MAN2A1: variants seen among roughly 807,000 people sequenced by gnomAD.
MAN2A1 encodes alpha-mannosidase 2.
A neutral mutation model predicts 142.6 loss-of-function variants in MAN2A1; 76 were observed. The ratio of observed to expected loss-of-function variants is 0.53; its 90% CI spans 0.44 to 0.65. MAN2A1 has a LOEUF of 0.65. MAN2A1 is among the 30% of genes least tolerant of loss of function. MAN2A1 has a pLI of 0.00. For missense variants in MAN2A1, 1,311 were observed against 1,365.1 expected (o/e 0.96, Z 0.62); for synonymous variants, 559 against 473.2 (o/e 1.18, Z -2.35).
intron 20 of MAN2A1, chr5:109,864,150 T>G (rs1755822725): frequency 6.6e-6 from 1 of 152,202 alleles, no homozygotes. Flanking sequence ...AGAATCAGTT[T>G]TATCACAATG....
At chr5:109,753,487 G>A (rs1313135845) in intron 4 of MAN2A1, among the ~76,000 whole-genome samples, 3 of 152,162 alleles carry the variant, frequency 2.0e-5, no homozygotes, top group African/African-American at 7.2e-5. Flanking sequence ...ATTCTAATGA[G>A]TCATCATATT....
At position 109,786,864 on chromosome 5, in the gene MAN2A1, T is replaced by C. The variant is rs552591237; in HGVS notation, c.1760+1938T>C. Among the ~76,000 whole-genome samples the C allele has an allele frequency of 3.9e-5, 6 of 152,126 alleles. No individual in the cohort carries two copies. The East Asian group carries it at 9.7e-4, about 25-fold the overall frequency. ...CAGAATAAATCCTGTCCTGCTTATT[T>C]TTATGTCATATGAAAAAAATCTGTA... On this transcript the variant is annotated intron_variant, in intron 10 of 21. Transcript: ENST00000261483.
At chr5:109,845,047 C>T (rs1313689348) in intron 17 of MAN2A1, among the ~76,000 whole-genome samples, 3 of 152,286 alleles carry the variant, frequency 2.0e-5, no homozygotes, top group East Asian at 3.9e-4. Context: ...CCATGCCTTT[C>T]GTTAATGGGC....
chr5:109,722,359 C>A (rs1373292111), intron 3 of MAN2A1, among the ~76,000 whole-genome samples: 1 of 152,152 alleles, frequency 6.6e-6, no homozygotes, highest in Non-Finnish European at 1.5e-5. Context: ...TTCCTGATTG[C>A]CACATTTTCT....
intron 12 of MAN2A1, among the ~76,000 whole-genome samples, chr5:109,814,366 C>T (rs1003481583): frequency 2.6e-5 from 4 of 152,002 alleles, no homozygotes; most frequent in African/African-American, 9.7e-5. Flanking sequence ...AATGTGATGA[C>T]AATGAAAATT....
At position 109,811,471 on chromosome 5, in the gene MAN2A1, A is replaced by AT. The variant is rs1372341734; in HGVS notation, c.1944-5796dup. 2.0e-5 allele frequency among the ~76,000 whole-genome samples: 3 copies of AT among 151,774 alleles called. No homozygotes were observed. The East Asian group carries it at 5.8e-4, about 29-fold the overall frequency. ...TCATTTTTATGTTCTACTAAGTGAC[A>AT]TTTTTTCATTTTCTGCGTATATTAT... On this transcript the variant is annotated intron_variant, in intron 12 of 21. Coordinates refer to ENST00000261483, the MANE Select transcript of MAN2A1 (RefSeq NM_002372.4).
At chr5:109,762,235 T>C (rs1389965703) in intron 5 of MAN2A1, among the ~76,000 whole-genome samples, 1 of 152,316 alleles carries the variant, frequency 6.6e-6, no homozygotes, top group Middle Eastern at 3.4e-3. Flanking sequence ...TTTATAGTTT[T>C]CTGTAGGGCA....
chr5:109,794,490 G>T (rs1396374631), intron 12 of MAN2A1, among the ~76,000 whole-genome samples: 1 of 152,076 alleles, frequency 6.6e-6, no homozygotes, highest in Non-Finnish European at 1.5e-5. Context: ...AAACTGGTCG[G>T]CTATATTTTT....
intron 5 of MAN2A1, among the ~76,000 whole-genome samples, chr5:109,764,909 C>G (rs1752948961): frequency 6.6e-6 from 1 of 152,068 alleles, no homozygotes; most frequent in East Asian, 1.9e-4. Context: ...TTGGGAAGGA[C>G]TCCCATGTAT....
At chr5:109,724,866 G>A (rs1390276420) in intron 3 of MAN2A1, among the ~76,000 whole-genome samples, 3 of 152,068 alleles carry the variant, frequency 2.0e-5, no homozygotes, top group Non-Finnish European at 2.9e-5. Context: ...ATTAGGTATA[G>A]CATCAGAACA....
intron 10 of MAN2A1, among the ~76,000 whole-genome samples, chr5:109,785,509 G>A (rs1753574008): frequency 6.6e-6 from 1 of 152,052 alleles, no homozygotes; most frequent in African/African-American, 2.4e-5. Context: ...TTAACTCATT[G>A]AAGGGCTCTC....
chr5:109,738,636 A>G (rs984244629), intron 4 of MAN2A1, among the ~76,000 whole-genome samples: 16 of 152,050 alleles, frequency 1.1e-4, no homozygotes, highest in African/African-American at 3.1e-4. Flanking sequence ...TCATTTGTCA[A>G]ATGAGGATAA....
At chr5:109,768,975 A>G (rs1218726568) in intron 6 of MAN2A1, among the ~76,000 whole-genome samples, 1 of 152,224 alleles carries the variant, frequency 6.6e-6, no homozygotes, top group African/African-American at 2.4e-5. Flanking sequence ...GCTTATAGGG[A>G]AATTCCAGTC....
chr5:109,784,323 T>G (rs1753540394), intron 9 of MAN2A1, among the ~76,000 whole-genome samples: 1 of 152,220 alleles, frequency 6.6e-6, no homozygotes, highest in Non-Finnish European at 1.5e-5. Context: ...CTCATTTCTC[T>G]TAATGTGTAT....
rs544687237 is a variant in MAN2A1, at chr5:109,733,626, G to C, written c.707+4113G>C. Among the ~76,000 whole-genome samples the C allele has an allele frequency of 9.8e-4, 149 of 152,200 alleles. 1 individual carries two copies. The highest frequency in any genetic ancestry group is 3.5e-3 in the African/African-American group (145 of 41,522). On this transcript the variant is annotated intron_variant, in intron 4 of 21. Coordinates refer to ENST00000261483, the MANE Select transcript of MAN2A1 (RefSeq NM_002372.4). Reference sequence around the variant, plus strand: ...CTGCATCTATTGAGATAATCATGTGGTTTTTGTCTTTGGTTCTGTTTATAT... The same window carrying C: ...CTGCATCTATTGAGATAATCATGTGCTTTTTGTCTTTGGTTCTGTTTATAT...
At chr5:109,699,140 T>G (rs542391215) in intron 1 of MAN2A1, among the ~76,000 whole-genome samples, 1 of 152,336 alleles carries the variant, frequency 6.6e-6, no homozygotes, top group South Asian at 2.1e-4. Context: ...TCATCAACTT[T>G]AGGCCTAAAG....
At chr5:109,708,942 C>T (rs1751217389) in intron 1 of MAN2A1, among the ~76,000 whole-genome samples, 1 of 152,218 alleles carries the variant, frequency 6.6e-6, no homozygotes, top group South Asian at 2.1e-4. Context: ...CACTCACACA[C>T]CGTCTCCTCT....
At chr5:109,764,514 A>T (rs551478991) in intron 5 of MAN2A1, among the ~76,000 whole-genome samples, 73 of 152,298 alleles carry the variant, frequency 4.8e-4, no homozygotes, top group African/African-American at 1.6e-3. Flanking sequence ...AAGTATTGCC[A>T]AGAAAAACCC....
intron 8 of MAN2A1, among the ~76,000 whole-genome samples, chr5:109,776,813 T>C (rs1340155842): frequency 1.3e-5 from 2 of 152,132 alleles, no homozygotes; most frequent in Non-Finnish European, 2.9e-5. Context: ...TACTGTTGCC[T>C]GTTCTTGAAT....
Sources: gnomAD v4.1 joint callset for allele counts (sites outside exome capture counted in the v4.1 genomes callset) on GRCh38, gnomAD v4.1.1 for gene constraint, MANE v1.5 for transcripts, NCBI Gene and HGNC (gene_info 2026-07-23, HGNC 2026-07-21) for gene names.